The following DLGAP2 variants were observed in gnomAD, a reference collection of about 807,000 sequenced individuals.
DLGAP2 encodes the protein disks large-associated protein 2.
DLGAP2 carries 26 observed loss-of-function variants against 100.3 expected under a neutral mutation model. The ratio of observed to expected loss-of-function variants is 0.26; its 90% CI spans 0.19 to 0.36. DLGAP2 has a LOEUF of 0.36. Ranked by LOEUF, DLGAP2 falls within the 10% of genes least tolerant of loss-of-function variation. The probability of loss-of-function intolerance (pLI) is 1.00; values close to 1 mark genes in which losing one functional copy is unlikely to be tolerated. For synonymous variants in DLGAP2, 886 were observed against 630.1 expected (o/e 1.41, Z -6.08); for missense variants, 1,858 against 1,453.2 (o/e 1.28, Z -4.53).
At chr8:1,278,492 C>G (rs966936361) in intron 3 of DLGAP2, among the ~76,000 whole-genome samples, 1 of 152,144 alleles carries the variant, frequency 6.6e-6, no homozygotes, top group Non-Finnish European at 1.5e-5. Context: ...CTTAAAAAAA[C>G]AACTGCATAT....
At chr8:998,723 C>G (rs886180219) in intron 2 of DLGAP2, among the ~76,000 whole-genome samples, 3 of 152,160 alleles carry the variant, frequency 2.0e-5, no homozygotes, top group African/African-American at 7.2e-5. Context: ...GCCCTTTGCT[C>G]TTATAATCTG....
chr8:1,331,205 T>C (rs568385382), intron 3 of DLGAP2, among the ~76,000 whole-genome samples: 1 of 152,324 alleles, frequency 6.6e-6, no homozygotes, highest in South Asian at 2.1e-4. Flanking sequence ...AATGCAGCGA[T>C]GTGGCACTGA....
intron 2 of DLGAP2, among the ~76,000 whole-genome samples, chr8:954,097 C>A (rs1352157041): frequency 6.6e-6 from 1 of 152,126 alleles, no homozygotes; most frequent in African/African-American, 2.4e-5. Flanking sequence ...ACGTCTTGAA[C>A]CCCTGAAAGA....
chr8:1,457,567 G>C, intron 3 of DLGAP2, among the ~76,000 whole-genome samples: 2 of 152,212 alleles, frequency 1.3e-5, no homozygotes, highest in East Asian at 3.8e-4. Context: ...TGATAAGACA[G>C]ATGGTTCTTC....
At chr8:884,760 T>A (rs1419127124) in intron 1 of DLGAP2, among the ~76,000 whole-genome samples, 2 of 152,248 alleles carry the variant, frequency 1.3e-5, no homozygotes, top group Non-Finnish European at 1.5e-5. Context: ...TTTTATCGTT[T>A]TGGATTTTAA....
At chr8:1,227,153 G>GAGATATATATAT (rs1554506451) in intron 2 of DLGAP2, among the ~76,000 whole-genome samples, 1 of 89,750 alleles carries the variant, frequency 1.1e-5, no homozygotes, top group African/African-American at 6.5e-5. Context: ...GAAACTGTGA[G>GAGATATATATAT]ATATATATAT....
rs1025090058 is a variant in DLGAP2, at chr8:1,702,345, A to G, written c.*939A>G. 6.8e-6 allele frequency: 1 copy of G among 146,214 alleles called. No homozygotes were observed. Among genetic ancestry groups the G allele is most frequent in the Non-Finnish European group, 1.5e-5 (1 of 66,270 alleles). 9.1% of individuals were successfully genotyped at this position (146,214 alleles called of 1,614,324 possible). A position where few individuals can be genotyped will look rare whatever the true frequency, so the allele number is the denominator to read the frequency against. On this transcript the variant is annotated 3_prime_UTR_variant, in exon 15 of 15. Coordinates refer to ENST00000637795, the MANE Select transcript of DLGAP2 (RefSeq NM_001346810.2). ...TATTCTCAAATTGCTCTATCAGCTG[A>G]CTTTTCAGGGTATCCTTAAAAAAAA...
At chr8:1,609,276 T>C (rs1211806546) in intron 6 of DLGAP2, among the ~76,000 whole-genome samples, 1 of 142,406 alleles carries the variant, frequency 7.0e-6, no homozygotes, top group African/African-American at 2.5e-5. Context: ...CAGAATTTCA[T>C]ATCCAGCCAA....
At chr8:1,115,034 T>C (rs921834789) in intron 2 of DLGAP2, among the ~76,000 whole-genome samples, 1 of 152,234 alleles carries the variant, frequency 6.6e-6, no homozygotes, top group African/African-American at 2.4e-5. Flanking sequence ...AACTTCTACT[T>C]TTATTGTGCT....
rs1483578599 is a variant in DLGAP2, at chr8:897,750, G to C, written c.19-10162G>C. On this transcript the variant is annotated intron_variant, in intron 1 of 14. Transcript: ENST00000637795. Reference sequence around the variant, plus strand: ...TGAGTTTCGGGTGAGCCAGAAGCGAGCACCGCAGATGCTCTTCTGTTCAAC... The same window carrying C: ...TGAGTTTCGGGTGAGCCAGAAGCGACCACCGCAGATGCTCTTCTGTTCAAC... Among the ~76,000 whole-genome samples the C allele has an allele frequency of 2.0e-5, 3 of 152,218 alleles. No individual in the cohort carries two copies. In the South Asian group the frequency reaches 6.2e-4, roughly 32 times the overall value.
chr8:1,303,545 T>G (rs1420590977), intron 3 of DLGAP2, among the ~76,000 whole-genome samples: 3 of 152,106 alleles, frequency 2.0e-5, no homozygotes, highest in African/African-American at 7.2e-5. Flanking sequence ...GCTGGTCTTA[T>G]CCATTAGGTT....
intron 6 of DLGAP2, among the ~76,000 whole-genome samples, chr8:1,596,530 A>G (rs1796464622): frequency 6.6e-6 from 1 of 152,116 alleles, no homozygotes; most frequent in African/African-American, 2.4e-5. Context: ...CATCTCCAAC[A>G]TCTGTTGTTT....
chr8:1,129,090 T>G (rs1394307091), intron 2 of DLGAP2, among the ~76,000 whole-genome samples: 1 of 152,148 alleles, frequency 6.6e-6, no homozygotes, highest in Non-Finnish European at 1.5e-5. Flanking sequence ...TGTACAGACA[T>G]GGACATTGGA....
At chr8:1,569,648 G>A (rs1802570870) in intron 6 of DLGAP2, among the ~76,000 whole-genome samples, 1 of 152,152 alleles carries the variant, frequency 6.6e-6, no homozygotes, top group Admixed American at 6.5e-5. Context: ...GCTCAGCTTT[G>A]TAACTCAGGG....
chr8:848,204 T>C (rs978193663), intron 1 of DLGAP2, among the ~76,000 whole-genome samples: 2 of 152,248 alleles, frequency 1.3e-5, no homozygotes, highest in Non-Finnish European at 2.9e-5. Context: ...TATAGACTTA[T>C]CTATATTGCT....
At chr8:817,905 G>T (rs932237621) in intron 1 of DLGAP2, among the ~76,000 whole-genome samples, 5 of 152,158 alleles carry the variant, frequency 3.3e-5, no homozygotes, top group Non-Finnish European at 7.3e-5. Context: ...GTCCTTGGTT[G>T]TGTTTTTGTT....
intron 2 of DLGAP2, among the ~76,000 whole-genome samples, chr8:947,479 C>A (rs1023553601): frequency 6.6e-6 from 1 of 152,218 alleles, no homozygotes; most frequent in Non-Finnish European, 1.5e-5. Context: ...AGCGTAGAGA[C>A]GGTGGCGGCT....
intron 3 of DLGAP2, among the ~76,000 whole-genome samples, chr8:1,314,495 C>CA (rs1010645534): frequency 1.1e-3 from 172 of 152,282 alleles, no homozygotes; most frequent in African/African-American, 3.9e-3. Flanking sequence ...TTTCTCCATC[C>CA]AAAAAATAAC....
At chr8:1,484,458 G>A (rs930151478) in intron 3 of DLGAP2, among the ~76,000 whole-genome samples, 1 of 152,256 alleles carries the variant, frequency 6.6e-6, no homozygotes, top group East Asian at 1.9e-4. Flanking sequence ...CCTGCGACTG[G>A]ACGGCTCTGC....
Sources: allele counts gnomAD v4.1 joint callset (sites outside exome capture counted in the v4.1 genomes callset), GRCh38; gene constraint gnomAD v4.1.1; transcripts MANE v1.5; gene names NCBI Gene and HGNC (gene_info 2026-07-23, HGNC 2026-07-21).